The following RALYL variants were observed in gnomAD, a reference collection of about 807,000 sequenced individuals.
RALYL encodes the protein RNA-binding Raly-like protein.
RALYL carries 29 observed loss-of-function variants against 35.1 expected under a neutral mutation model. The ratio of observed to expected loss-of-function variants is 0.83; its 90% CI spans 0.61 to 1.13. The LOEUF (loss-of-function observed/expected upper bound fraction) is 1.13. RALYL is among the 50% of genes most tolerant of loss of function. RALYL has a pLI of 0.00. For missense variants in RALYL, 359 were observed against 360.4 expected (o/e 1.00, Z 0.03); for synonymous variants, 120 against 127.6 (o/e 0.94, Z 0.40).
At chr8:84,188,090 AGTT>A (rs578111860) in intron 1 of RALYL, among the ~76,000 whole-genome samples, 3 of 152,038 alleles carry the variant, frequency 2.0e-5, no homozygotes, top group East Asian at 3.9e-4. Context: ...TTTTTATTTT[AGTT>A]GTTTATTTTT....
intron 1 of RALYL, among the ~76,000 whole-genome samples, chr8:84,197,625 C>T (rs1175054832): frequency 6.6e-6 from 1 of 152,038 alleles, no homozygotes; most frequent in African/African-American, 2.4e-5. Flanking sequence ...ATGAGACTAT[C>T]TAAGTATGAA....
intron 1 of RALYL, among the ~76,000 whole-genome samples, chr8:84,311,339 T>A (rs905699556): frequency 6.6e-6 from 1 of 151,948 alleles, no homozygotes; most frequent in African/African-American, 2.4e-5. Context: ...TCCAGGCATA[T>A]AAGCATTATC....
chr8:84,579,282 C>T (rs1318602690), intron 2 of RALYL, among the ~76,000 whole-genome samples: 6 of 152,294 alleles, frequency 3.9e-5, no homozygotes, highest in East Asian at 3.9e-4. Flanking sequence ...CGCCCACTCC[C>T]GGGCACCAGG....
chr8:84,683,987 G>A (rs1270013198), intron 2 of RALYL, among the ~76,000 whole-genome samples: 1 of 152,120 alleles, frequency 6.6e-6, no homozygotes, highest in African/African-American at 2.4e-5. Flanking sequence ...CAGGCGTTGA[G>A]CCATGCCTGG....
At chr8:84,746,967 T>C (rs1808753724) in intron 2 of RALYL, among the ~76,000 whole-genome samples, 1 of 150,762 alleles carries the variant, frequency 6.6e-6, no homozygotes. Context: ...TGCAAATTAA[T>C]GATCACATAT....
At chr8:84,766,429 C>T (rs1219694832) in intron 2 of RALYL, among the ~76,000 whole-genome samples, 1 of 151,754 alleles carries the variant, frequency 6.6e-6, no homozygotes, top group Admixed American at 6.6e-5. Flanking sequence ...CGTGGTGGCT[C>T]ACACCTGTAA....
intron 2 of RALYL, among the ~76,000 whole-genome samples, chr8:84,650,262 G>A (rs1271433852): frequency 1.4e-4 from 21 of 151,832 alleles, no homozygotes; most frequent in Non-Finnish European, 2.5e-4. Context: ...TCCTAATTGA[G>A]TACCCTTTAT....
intron 4 of RALYL, among the ~76,000 whole-genome samples, chr8:84,840,577 G>T (rs2134570640): frequency 6.6e-6 from 1 of 152,286 alleles, no homozygotes; most frequent in South Asian, 2.1e-4. Flanking sequence ...CCCCAATCTA[G>T]CAAGGCAGGC....
intron 1 of RALYL, among the ~76,000 whole-genome samples, chr8:84,269,397 C>T (rs1833894761): frequency 6.6e-6 from 1 of 152,128 alleles, no homozygotes; most frequent in African/African-American, 2.4e-5. Flanking sequence ...ATTATGAATA[C>T]AGATTATGAA....
At chr8:84,695,256 C>T (rs935586269) in intron 2 of RALYL, among the ~76,000 whole-genome samples, 5 of 151,622 alleles carry the variant, frequency 3.3e-5, no homozygotes, top group African/African-American at 9.7e-5. Context: ...TCATGGGCAC[C>T]AACTCACAAA....
intron 8 of RALYL, among the ~76,000 whole-genome samples, chr8:84,900,000 G>A (rs113410129): frequency 2.6e-4 from 39 of 152,244 alleles, no homozygotes; most frequent in African/African-American, 8.2e-4. Context: ...ATCAAACAAC[G>A]TGATCATTAA....
chr8:84,430,330 T>C (rs1180007477), intron 1 of RALYL, among the ~76,000 whole-genome samples: 1 of 152,200 alleles, frequency 6.6e-6, no homozygotes, highest in Non-Finnish European at 1.5e-5. Context: ...CATTAGTTAT[T>C]TGAAGACAAT....
intron 1 of RALYL, among the ~76,000 whole-genome samples, chr8:84,503,320 ATTTTTTT>A (rs551446229): frequency 7.4e-6 from 1 of 135,070 alleles, no homozygotes; most frequent in East Asian, 2.2e-4. Context: ...TGCCTGGCTA[ATTTTTTT>A]TTTTTTTTTT....
intron 7 of RALYL, among the ~76,000 whole-genome samples, chr8:84,883,403 AAG>A (rs1842470287): frequency 6.6e-6 from 1 of 152,100 alleles, no homozygotes; most frequent in South Asian, 2.1e-4. Flanking sequence ...TAAAAAGAAA[AAG>A]AGGTTTAATG....
intron 1 of RALYL, among the ~76,000 whole-genome samples, chr8:84,463,139 T>G (rs1438023468): frequency 1.3e-5 from 2 of 151,984 alleles, no homozygotes; most frequent in Non-Finnish European, 2.9e-5. Context: ...TTTCTGTTCT[T>G]CCAAACATTC....
chr8:84,762,114 G>T (rs959367271), intron 2 of RALYL, among the ~76,000 whole-genome samples: 1 of 152,100 alleles, frequency 6.6e-6, no homozygotes, highest in African/African-American at 2.4e-5. Flanking sequence ...GAGGAATAAA[G>T]GGGCAGTAGC....
At chr8:84,757,432 C>CTG (rs1811692002) in intron 2 of RALYL, among the ~76,000 whole-genome samples, 1 of 152,122 alleles carries the variant, frequency 6.6e-6, no homozygotes, top group Non-Finnish European at 1.5e-5. Flanking sequence ...TGGGAAAAAA[C>CTG]TGCCGATGTG....
chr8:84,859,328 T>C (rs1050988386), intron 5 of RALYL, among the ~76,000 whole-genome samples: 1 of 152,070 alleles, frequency 6.6e-6, no homozygotes, highest in Non-Finnish European at 1.5e-5. Flanking sequence ...CTCTGGTCCT[T>C]TTGTTACTTG....
chr8:84,898,873 G>T (rs2135537044), intron 8 of RALYL, among the ~76,000 whole-genome samples: 1 of 152,258 alleles, frequency 6.6e-6, no homozygotes, highest in South Asian at 2.1e-4. Flanking sequence ...CACAACTCCT[G>T]CAAACCTCTG....
Sources: gnomAD v4.1 joint callset for allele counts (sites outside exome capture counted in the v4.1 genomes callset) on GRCh38, gnomAD v4.1.1 for gene constraint, MANE v1.5 for transcripts, NCBI Gene and HGNC (gene_info 2026-07-23, HGNC 2026-07-21) for gene names.